The following RSPO2 variants were observed in gnomAD, a reference collection of about 807,000 sequenced individuals.
RSPO2 encodes R-spondin 2, also known as R-spondin-2.
In RSPO2, 14 loss-of-function variants were observed where a neutral mutation model predicts 30.9. The observed-to-expected ratio is 0.45, with a 90% confidence interval of 0.30 to 0.71. The LOEUF (loss-of-function observed/expected upper bound fraction) is 0.71. Among genes scored for constraint, RSPO2 ranks in the 30% least tolerant of loss-of-function variants. The pLI is 0.08. For synonymous variants in RSPO2, 107 were observed against 96.4 expected, an observed-to-expected ratio of 1.11 and a Z score of -0.64; for missense variants, 264 against 301.9, an observed-to-expected ratio of 0.87 and a Z score of 0.93.
intron 5 of RSPO2, among the ~76,000 whole-genome samples, chr8:107,910,400 G>A (rs1008706776): frequency 6.6e-6 from 1 of 152,184 alleles, no homozygotes; most frequent in Admixed American, 6.5e-5. Context: ...ACTGGGCATG[G>A]TACATGCCTG....
chr8:107,962,140 A>T (rs1451257372), intron 3 of RSPO2, among the ~76,000 whole-genome samples: 1 of 152,200 alleles, frequency 6.6e-6, no homozygotes, highest in Non-Finnish European at 1.5e-5. Context: ...AAGGCTCCAG[A>T]ACTATACTTC....
chr8:107,926,227 C>T (rs1343668108), intron 5 of RSPO2, among the ~76,000 whole-genome samples: 6 of 152,272 alleles, frequency 3.9e-5, no homozygotes, highest in East Asian at 3.9e-4. Context: ...CTGTTCATAT[C>T]ATTCACCCAC....
intron 5 of RSPO2, among the ~76,000 whole-genome samples, chr8:107,927,391 T>C (rs201280092): frequency 6.6e-5 from 10 of 152,144 alleles, no homozygotes; most frequent in Non-Finnish European, 1.5e-4. Flanking sequence ...CCTTTATTTC[T>C]TTCTCCTGCC....
At chr8:107,977,108 C>G (rs1814243284) in intron 3 of RSPO2, among the ~76,000 whole-genome samples, 1 of 152,152 alleles carries the variant, frequency 6.6e-6, no homozygotes, top group Non-Finnish European at 1.5e-5. Context: ...ATGATCAGCT[C>G]ATGATCAGTA....
intron 5 of RSPO2, among the ~76,000 whole-genome samples, chr8:107,926,449 C>T (rs191087466): frequency 1.7e-3 from 259 of 151,176 alleles, no homozygotes; most frequent in East Asian, 6.2e-3. Context: ...CCATTGCTTT[C>T]GGTGTTTTAG....
At chr8:108,039,966 T>C (rs1035255652) in intron 2 of RSPO2, among the ~76,000 whole-genome samples, 1 of 152,046 alleles carries the variant, frequency 6.6e-6, no homozygotes, top group African/African-American at 2.4e-5. Context: ...AACCAAGATG[T>C]CCCTCACCAG....
intron 2 of RSPO2, among the ~76,000 whole-genome samples, chr8:108,021,471 G>T (rs13254043): frequency 6.6e-6 from 1 of 152,246 alleles, no homozygotes; most frequent in Admixed American, 6.5e-5. Flanking sequence ...TCAGTTTAAA[G>T]CATCAATGTA....
chr8:108,078,014 G>A (rs1267401825), intron 2 of RSPO2, among the ~76,000 whole-genome samples: 1 of 152,172 alleles, frequency 6.6e-6, no homozygotes, highest in Non-Finnish European at 1.5e-5. Flanking sequence ...TGGAAGGAAA[G>A]AAGTACCCTG....
intron 2 of RSPO2, among the ~76,000 whole-genome samples, chr8:107,996,727 C>G (rs1815037431): frequency 6.6e-6 from 1 of 152,112 alleles, no homozygotes; most frequent in Non-Finnish European, 1.5e-5. Flanking sequence ...AGAGAATCAA[C>G]ACAAATTAAA....
At chr8:108,071,540 A>G (rs1356128779) in intron 2 of RSPO2, among the ~76,000 whole-genome samples, 1 of 152,198 alleles carries the variant, frequency 6.6e-6, no homozygotes, top group Non-Finnish European at 1.5e-5. Flanking sequence ...CGGCCACAAG[A>G]TATCTTTCAT....
intron 5 of RSPO2, among the ~76,000 whole-genome samples, chr8:107,906,935 C>G (rs898727872): frequency 2.0e-5 from 3 of 151,814 alleles, no homozygotes; most frequent in African/African-American, 7.3e-5. Context: ...TAAATCTACT[C>G]TTTGCAATTT....
chr8:108,072,492 A>ATTTTTTTTTTT (rs71308776), intron 2 of RSPO2, among the ~76,000 whole-genome samples: 11 of 122,632 alleles, frequency 9.0e-5, no homozygotes, highest in African/African-American at 1.9e-4. Context: ...AGCCCGGCTA[A>ATTTTTTTTTTT]TTTTTTTTTT....
At chr8:107,946,577 A>G (rs1813067220) in intron 5 of RSPO2, among the ~76,000 whole-genome samples, 1 of 152,210 alleles carries the variant, frequency 6.6e-6, no homozygotes, top group African/African-American at 2.4e-5. Flanking sequence ...CCGAAATTAA[A>G]GGAGAATGAA....
chr8:107,948,282 C>A (rs958148834), intron 5 of RSPO2, among the ~76,000 whole-genome samples: 3 of 152,098 alleles, frequency 2.0e-5, no homozygotes, highest in African/African-American at 7.2e-5. Context: ...TTCAATGGAC[C>A]TAAAGACACG....
intron 3 of RSPO2, among the ~76,000 whole-genome samples, chr8:107,969,297 C>A (rs769171540): frequency 6.6e-6 from 1 of 152,022 alleles, no homozygotes. Flanking sequence ...ATCTTACATG[C>A]CATAGTATCT....
chr8:107,999,358 A>G (rs1025402973), intron 2 of RSPO2, among the ~76,000 whole-genome samples: 2 of 81,792 alleles, frequency 2.4e-5, no homozygotes, highest in African/African-American at 2.8e-4. Flanking sequence ...CATCAGGATT[A>G]AAGGTCTTAG....
intron 2 of RSPO2, among the ~76,000 whole-genome samples, chr8:108,049,093 T>C (rs1811994835): frequency 6.6e-6 from 1 of 151,882 alleles, no homozygotes; most frequent in Admixed American, 6.6e-5. Context: ...TTCTGAGGCC[T>C]GTCGGAGGGT....
chr8:107,905,212 A>G (rs1308998993), intron 5 of RSPO2, among the ~76,000 whole-genome samples: 1 of 152,082 alleles, frequency 6.6e-6, no homozygotes, highest in Non-Finnish European at 1.5e-5. Context: ...CCATCACTGG[A>G]AAAATGTTTC....
chr8:108,002,632 A>T (rs1415147873), intron 2 of RSPO2, among the ~76,000 whole-genome samples: 1 of 152,158 alleles, frequency 6.6e-6, no homozygotes, highest in Non-Finnish European at 1.5e-5. Context: ...TGCTTACATC[A>T]CTGTCTTAAT....
Sources: allele counts gnomAD v4.1 joint callset (sites outside exome capture counted in the v4.1 genomes callset), GRCh38; gene constraint gnomAD v4.1.1; transcripts MANE v1.5; gene names NCBI Gene and HGNC (gene_info 2026-07-23, HGNC 2026-07-21).